MCC: variants seen among roughly 807,000 people sequenced by gnomAD.
The protein encoded by MCC is MCC regulator of Wnt signaling pathway.
MCC carries 90 observed loss-of-function variants against 116.2 expected under a neutral mutation model. That is an observed-to-expected ratio of 0.77 (90% CI 0.65 to 0.92). MCC has a LOEUF of 0.92. Ranked by LOEUF, MCC falls within the 40% of genes least tolerant of loss-of-function variation. The pLI, the probability that MCC is intolerant of heterozygous loss-of-function variation, is 0.00. For missense variants in MCC, 1,516 were observed against 1,312.2 expected (o/e 1.16, Z -2.40); for synonymous variants, 578 against 510.5 (o/e 1.13, Z -1.78).
intron 1 of MCC, among the ~76,000 whole-genome samples, chr5:113,403,474 G>A (rs1424326732): frequency 6.6e-6 from 1 of 152,130 alleles, no homozygotes; most frequent in African/African-American, 2.4e-5. Context: ...GGTGTTCTAC[G>A]TAATTAAACA....
chr5:113,031,256 C>T (rs1750932373), intron 17 of MCC, among the ~76,000 whole-genome samples: 1 of 152,216 alleles, frequency 6.6e-6, no homozygotes, highest in South Asian at 2.1e-4. Flanking sequence ...CTACCCGCCT[C>T]TGCTAAGCTG....
intron 14 of MCC, among the ~76,000 whole-genome samples, chr5:113,060,942 G>A (rs1484905189): frequency 6.6e-6 from 1 of 152,194 alleles, no homozygotes; most frequent in Non-Finnish European, 1.5e-5. Flanking sequence ...CTCATTCCCT[G>A]AAGCTTACTG....
chr5:113,357,289 GA>G (rs1412647937), intron 2 of MCC, among the ~76,000 whole-genome samples: 6 of 152,126 alleles, frequency 3.9e-5, no homozygotes, highest in African/African-American at 1.2e-4. Context: ...TTAGATAATA[GA>G]AAGCAAATAT....
chr5:113,447,295 C>A (rs1000644016), intron 1 of MCC, among the ~76,000 whole-genome samples: 24 of 152,132 alleles, frequency 1.6e-4, no homozygotes, highest in Admixed American at 1.4e-3. Context: ...GGTGGGTGGT[C>A]TCACATTTAG....
At chr5:113,152,066 G>A (rs901953156) in intron 3 of MCC, among the ~76,000 whole-genome samples, 9 of 152,308 alleles carry the variant, frequency 5.9e-5, no homozygotes, top group Middle Eastern at 3.4e-3. Flanking sequence ...TCTTTCAGGA[G>A]CAGCACCAGA....
chr5:113,352,811 T>G lies in MCC; in HGVS notation c.416-12081A>C, dbSNP rs555032493. On this transcript the variant is annotated intron_variant, in intron 2 of 18. Coordinates refer to ENST00000408903, the MANE Select transcript of MCC (RefSeq NM_001085377.2). ...TAACATGAATGTTCTTTCCTTAATG[T>G]TCAAGTGATTCTTCGTCAGAAGAAA... Among the ~76,000 whole-genome samples, 13 of 152,278 alleles carry G rather than the reference T, an allele frequency of 8.5e-5. No individual in the cohort carries two copies. In the East Asian group the frequency reaches 2.5e-3, roughly 29 times the overall value.
rs1469586312 is a variant in MCC at position 113,434,891 on chromosome 5, G to T, written c.171-49679C>A. 4.5e-6 allele frequency: 7 copies of T among 1,560,024 alleles called. No homozygotes were observed. Among genetic ancestry groups the T allele is most frequent in the East Asian group, 2.3e-5 (1 of 44,392 alleles). On this transcript the variant is annotated intron_variant, in intron 1 of 18. Coordinates refer to ENST00000408903, the MANE Select transcript of MCC (RefSeq NM_001085377.2). The surrounding 1 kb of genome is among the most constrained non-coding windows in gnomAD (Gnocchi z 4.2). ...AGGCTGCCCTCTACAGCCCCGAGGCGCATGGGCCAGCAGTGTGCTCATTTA... is the reference window on the plus strand; with the variant it reads ...AGGCTGCCCTCTACAGCCCCGAGGCTCATGGGCCAGCAGTGTGCTCATTTA...
chr5:113,194,819 G>A lies in MCC; in HGVS notation c.628-43397C>T, dbSNP rs138432928. ...CTTCATCTATATATAGTCATTCCTCGAGGACTCATTGTGAAAATGAATCTA... is the reference window on the plus strand; with the variant it reads ...CTTCATCTATATATAGTCATTCCTCAAGGACTCATTGTGAAAATGAATCTA... On this transcript the variant is annotated intron_variant, in intron 3 of 18. Coordinates refer to ENST00000408903, the MANE Select transcript of MCC (RefSeq NM_001085377.2). Among the ~76,000 whole-genome samples, 193 of 152,244 alleles carry A rather than the reference G, an allele frequency of 1.3e-3. 3 individuals are homozygous for A. Among genetic ancestry groups the A allele is most frequent in the African/African-American group, 4.3e-3 (179 of 41,522 alleles).
chr5:113,386,196 T>C (rs928414893), intron 1 of MCC, among the ~76,000 whole-genome samples: 1 of 152,184 alleles, frequency 6.6e-6, no homozygotes, highest in Admixed American at 6.5e-5. Flanking sequence ...AATTTGTTCA[T>C]TGTCACAAAC....
intron 6 of MCC, among the ~76,000 whole-genome samples, chr5:113,117,465 G>A (rs575398218): frequency 6.0e-4 from 91 of 152,296 alleles, no homozygotes; most frequent in Admixed American, 5.8e-3. Context: ...TCAACCCTAA[G>A]GGTATAAACC....
At chr5:113,280,413 G>C (rs1055965258) in intron 3 of MCC, among the ~76,000 whole-genome samples, 1 of 152,166 alleles carries the variant, frequency 6.6e-6, no homozygotes, top group East Asian at 1.9e-4. Flanking sequence ...AACAATGTAG[G>C]GTATGTTCTG....
At chr5:113,198,504 G>A (rs1470670823) in intron 3 of MCC, among the ~76,000 whole-genome samples, 1 of 150,446 alleles carries the variant, frequency 6.6e-6, no homozygotes, top group African/African-American at 2.5e-5. Flanking sequence ...AGACAAGCCT[G>A]GGTAACATAG....
At chr5:113,197,249 C>T (rs930570260) in intron 3 of MCC, among the ~76,000 whole-genome samples, 1 of 151,886 alleles carries the variant, frequency 6.6e-6, no homozygotes, top group Non-Finnish European at 1.5e-5. Context: ...TTTTCCTAAA[C>T]CAGTTTTCAG....
chr5:113,408,356 G>C (rs1013180320), intron 1 of MCC, among the ~76,000 whole-genome samples: 1 of 152,144 alleles, frequency 6.6e-6, no homozygotes, highest in Non-Finnish European at 1.5e-5. Context: ...AAAGAAAAAA[G>C]AGGGAAGGGA....
chr5:113,041,650 G>A lies in MCC; in HGVS notation c.2756+1880C>T, dbSNP rs559687133. Among the ~76,000 whole-genome samples, 3 of 152,240 alleles carry A rather than the reference G, an allele frequency of 2.0e-5. No individual in the cohort carries two copies. In the East Asian group the frequency reaches 5.8e-4, roughly 29 times the overall value. ...TGACCCAGCTGACAGCACTTTGAAG[G>A]ACCTGGCTACATTTTCTGGGTGGCA... On this transcript the variant is annotated intron_variant, in intron 17 of 18. Coordinates refer to ENST00000408903, the MANE Select transcript of MCC (RefSeq NM_001085377.2).
At chr5:113,204,586 G>A (rs750860877) in intron 3 of MCC, 1 of 152,172 alleles carries the variant, frequency 6.6e-6, no homozygotes, top group African/African-American at 2.4e-5. Flanking sequence ...AGGGTGCTGC[G>A]GAGAGTATCT....
At chr5:113,032,242 C>G (rs1247899390) in intron 17 of MCC, among the ~76,000 whole-genome samples, 2 of 152,096 alleles carry the variant, frequency 1.3e-5, no homozygotes, top group East Asian at 3.9e-4. Flanking sequence ...GAAACCCTGT[C>G]TCTACTAAAT....
intron 1 of MCC, among the ~76,000 whole-genome samples, chr5:113,478,427 T>C (rs1311550244): frequency 6.6e-6 from 1 of 152,132 alleles, no homozygotes; most frequent in East Asian, 1.9e-4. Flanking sequence ...GGGTTGCCAA[T>C]GGGTTGGATG....
intron 1 of MCC, among the ~76,000 whole-genome samples, chr5:113,415,287 G>C (rs1267279044): frequency 1.3e-5 from 2 of 152,152 alleles, no homozygotes; most frequent in African/African-American, 4.8e-5. Context: ...GGTGTTCTCT[G>C]TATTTCCTGA....
Sources: gnomAD v4.1 joint callset for allele counts (sites outside exome capture counted in the v4.1 genomes callset) on GRCh38, gnomAD v4.1.1 for gene constraint, Gnocchi (gnomAD v3.1) non-coding constraint, MANE v1.5 for transcripts, NCBI Gene and HGNC (gene_info 2026-07-23, HGNC 2026-07-21) for gene names.